The following DNAJC12 variants were observed in gnomAD, a reference collection of about 807,000 sequenced individuals.
DNAJC12 encodes dnaJ homolog subfamily C member 12.
Under a neutral mutation model 28.5 loss-of-function variants are expected in DNAJC12, and 25 were observed. The observed-to-expected ratio is 0.88, with a 90% CI of 0.64 to 1.22. DNAJC12 has a LOEUF of 1.22. Among genes scored for constraint, DNAJC12 ranks in the 50% most tolerant of loss-of-function variants. DNAJC12 has a pLI of 0.00. For missense variants in DNAJC12, 222 were observed against 231.7 expected (o/e 0.96, Z 0.27); for synonymous variants, 77 against 80.6 (o/e 0.95, Z 0.24).
At chr10:67,803,171 T>A (rs980705531) in intron 4 of DNAJC12, among the ~76,000 whole-genome samples, 10 of 151,736 alleles carry the variant, frequency 6.6e-5, no homozygotes, top group South Asian at 4.2e-4. Context: ...AAAAAAAAAA[T>A]TTTATGAGGT....
chr10:67,830,268 G>A (rs957576083), intron 1 of DNAJC12, among the ~76,000 whole-genome samples: 2 of 151,746 alleles, frequency 1.3e-5, no homozygotes, highest in Non-Finnish European at 2.9e-5. Context: ...CTGAGATCGC[G>A]CCACTGCACT....
At chr10:67,836,375 A>T (rs1842142784) in intron 1 of DNAJC12, among the ~76,000 whole-genome samples, 1 of 152,154 alleles carries the variant, frequency 6.6e-6, no homozygotes, top group Admixed American at 6.6e-5. Context: ...TTGAAAAAAA[A>T]AAAAAAGGAC....
At position 67,830,363 on chromosome 10, in the gene DNAJC12, C is replaced by G. The variant is rs912868627; in HGVS notation, c.79-6971G>C. ...GTGGCTCACTCTTGTAATCCCAGCACTTTGGGAGGCTGAGGCGGGCGGATC... is the reference window on the plus strand; with the variant it reads ...GTGGCTCACTCTTGTAATCCCAGCAGTTTGGGAGGCTGAGGCGGGCGGATC... On this transcript the variant is annotated intron_variant, in intron 1 of 4. Coordinates refer to ENST00000225171, the MANE Select transcript of DNAJC12 (RefSeq NM_021800.3). Among the ~76,000 whole-genome samples, 6 of 149,348 alleles carry G rather than the reference C, an allele frequency of 4.0e-5. No homozygotes were observed. In the East Asian group the frequency reaches 1.2e-3, roughly 29 times the overall value.
chr10:67,801,673 C>A lies in DNAJC12; in HGVS notation c.502+3910G>T, dbSNP rs188586994. Among the ~76,000 whole-genome samples, 1,055 of 151,446 alleles carry A rather than the reference C, an allele frequency of 7.0e-3. 15 individuals carry two copies. The highest frequency in any genetic ancestry group is 0.024 in the African/African-American group (1,006 of 41,330). Reference sequence around the variant, plus strand: ...GGTGTGGTGGCGGGTGCCTGTAATCCCAGCTACTTGGGAGGCTGAGGCAGG... The same window carrying A: ...GGTGTGGTGGCGGGTGCCTGTAATCACAGCTACTTGGGAGGCTGAGGCAGG... On this transcript the variant is annotated intron_variant, in intron 4 of 4. Coordinates refer to ENST00000225171, the MANE Select transcript of DNAJC12 (RefSeq NM_021800.3).
At chr10:67,814,696 A>C (rs1841896624) in intron 2 of DNAJC12, among the ~76,000 whole-genome samples, 1 of 152,234 alleles carries the variant, frequency 6.6e-6, no homozygotes. Context: ...CAAAATGGAC[A>C]AAGGGCTTGA....
At chr10:67,820,777 C>CTTTTT (rs71006170) in intron 2 of DNAJC12, among the ~76,000 whole-genome samples, 9 of 68,512 alleles carry the variant, frequency 1.3e-4, no homozygotes, top group South Asian at 5.8e-4. Flanking sequence ...TTCTTTTTTC[C>CTTTTT]TTTTTTTTTT....
intron 1 of DNAJC12, among the ~76,000 whole-genome samples, chr10:67,824,235 TA>T (rs11351546): frequency 0.74 from 100,628 of 135,910 alleles, 37,880 homozygotes; most frequent in Non-Finnish European, 0.83. Flanking sequence ...GAGTCTGTCT[TA>T]AAAAAAAAAA....
intron 1 of DNAJC12, among the ~76,000 whole-genome samples, chr10:67,837,502 G>A (rs912183261): frequency 6.6e-6 from 1 of 151,908 alleles, no homozygotes; most frequent in African/African-American, 2.4e-5. Context: ...TGCTCACATA[G>A]GAGTACACAT....
chr10:67,821,078 C>A (rs1343278307), intron 2 of DNAJC12, among the ~76,000 whole-genome samples: 1 of 151,850 alleles, frequency 6.6e-6, no homozygotes, highest in Non-Finnish European at 1.5e-5. Flanking sequence ...CCACTGCACC[C>A]AGCCAAGGAA....
intron 4 of DNAJC12, among the ~76,000 whole-genome samples, chr10:67,802,771 A>G (rs1450491887): frequency 6.6e-6 from 1 of 152,172 alleles, no homozygotes; most frequent in African/African-American, 2.4e-5. Flanking sequence ...AAAAGTTAAC[A>G]CTAAAAAAAG....
chr10:67,811,378 T>C lies in DNAJC12; in HGVS notation c.297+146A>G, dbSNP rs1338245242. On this transcript the variant is annotated intron_variant, in intron 3 of 4. Coordinates refer to ENST00000225171, the MANE Select transcript of DNAJC12 (RefSeq NM_021800.3). ...CTGATGAGCTTCTCTTCATGGGATT[T>C]ACGGACACTGAATTATATCCAGACT... 5.3e-6 allele frequency: 8 copies of C among 1,499,060 alleles called. No homozygotes were observed. In the African/African-American group the frequency reaches 9.8e-5, roughly 18 times the overall value. The allele number at this position is 1,499,060 out of a possible 1,614,324, so 92.9% of individuals were successfully genotyped here. A position where few individuals can be genotyped will look rare whatever the true frequency, so the allele number is the denominator to read the frequency against.
At position 67,838,028 on chromosome 10, in the gene DNAJC12, G is replaced by A. The variant is rs2273771; in HGVS notation, c.-17C>T. On this transcript the variant is annotated 5_prime_UTR_variant, in exon 1 of 5. Transcript: ENST00000225171. Reference sequence around the variant, plus strand: ...TGCATCCATTTAGATGACTTAATCAGTCCTTCTTCCCTCGGAAACAAGAGG... The same window carrying A: ...TGCATCCATTTAGATGACTTAATCAATCCTTCTTCCCTCGGAAACAAGAGG... The A allele has an allele frequency of 0.082, 128,152 of 1,561,472 alleles. 7,414 individuals are homozygous for A. The highest frequency in any genetic ancestry group is 0.31 in the East Asian group (13,666 of 44,042).
At chr10:67,809,154 C>T (rs896951128) in intron 3 of DNAJC12, among the ~76,000 whole-genome samples, 6 of 152,290 alleles carry the variant, frequency 3.9e-5, no homozygotes, top group East Asian at 3.9e-4. Flanking sequence ...ATAGTTTTAA[C>T]GGCTTATGAG....
chr10:67,832,378 C>T (rs1007123584), intron 1 of DNAJC12, among the ~76,000 whole-genome samples: 7 of 151,904 alleles, frequency 4.6e-5, no homozygotes, highest in Admixed American at 4.6e-4. Context: ...CCACAAAATT[C>T]CAGATATTAG....
At chr10:67,803,351 C>A (rs1841767130) in intron 4 of DNAJC12, among the ~76,000 whole-genome samples, 1 of 152,112 alleles carries the variant, frequency 6.6e-6, no homozygotes, top group South Asian at 2.1e-4. Context: ...ACTTTTAAAG[C>A]TCTCATAAGT....
At chr10:67,819,737 A>G (rs1564863392) in intron 2 of DNAJC12, among the ~76,000 whole-genome samples, 6 of 24,154 alleles carry the variant, frequency 2.5e-4, no homozygotes, top group Admixed American at 4.3e-4. Context: ...GAAGGAAGGA[A>G]GGAAGGAAGG....
chr10:67,813,514 C>T (rs1334706590), intron 2 of DNAJC12, among the ~76,000 whole-genome samples: 1 of 151,872 alleles, frequency 6.6e-6, no homozygotes, highest in African/African-American at 2.4e-5. Flanking sequence ...CTTTGGGAGT[C>T]CGAAGTGGGC....
At chr10:67,830,448 A>G (rs901891319) in intron 1 of DNAJC12, among the ~76,000 whole-genome samples, 16 of 151,482 alleles carry the variant, frequency 1.1e-4, no homozygotes, top group African/African-American at 3.9e-4. Context: ...CTCTACTAAA[A>G]ATATAAAAAA....
At chr10:67,819,238 C>G (rs1267910536) in intron 2 of DNAJC12, among the ~76,000 whole-genome samples, 1 of 152,052 alleles carries the variant, frequency 6.6e-6, no homozygotes, top group Non-Finnish European at 1.5e-5. Flanking sequence ...GAGGCTGAGG[C>G]AGGAGAATGG....
Sources: gnomAD v4.1 joint callset for allele counts (sites outside exome capture counted in the v4.1 genomes callset) on GRCh38, gnomAD v4.1.1 for gene constraint, MANE v1.5 for transcripts, NCBI Gene and HGNC (gene_info 2026-07-23, HGNC 2026-07-21) for gene names.